Variants in GREB1L observed in about 807,000 individuals in gnomAD.
GREB1L encodes the protein GREB1-like protein.
Under a neutral mutation model 200.8 loss-of-function variants are expected in GREB1L, and 17 were observed. The ratio of observed to expected loss-of-function variants is 0.08; its 90% CI spans 0.06 to 0.13. The LOEUF (loss-of-function observed/expected upper bound fraction) is 0.13, where lower values mean the gene tolerates loss of function less well. Ranked by LOEUF, GREB1L falls within the 10% of genes least tolerant of loss-of-function variation. The pLI, the probability that GREB1L is intolerant of heterozygous loss-of-function variation, is 1.00. For synonymous variants in GREB1L, 789 were observed against 893.0 expected (o/e 0.88, Z 2.08); for missense variants, 1,657 against 2,367.7 (o/e 0.70, Z 6.23).
chr18:21,268,558 CA>C, intron 1 of GREB1L, among the ~76,000 whole-genome samples: 1 of 86,696 alleles, frequency 1.2e-5, no homozygotes. Flanking sequence ...CACACACACA[CA>C]CATATATATA....
intron 7 of GREB1L, among the ~76,000 whole-genome samples, chr18:21,414,955 T>C (rs1451985952): frequency 6.6e-6 from 1 of 152,196 alleles, no homozygotes; most frequent in East Asian, 1.9e-4. Context: ...GTGAGTCTTA[T>C]GATTGCCCAA....
chr18:21,394,770 A>G (rs1191311748), intron 4 of GREB1L, among the ~76,000 whole-genome samples: 1 of 151,924 alleles, frequency 6.6e-6, no homozygotes, highest in Non-Finnish European at 1.5e-5. Context: ...ATGCACATAA[A>G]AACTACGTGG....
chr18:21,412,909 G>A (rs2031222671), intron 7 of GREB1L, among the ~76,000 whole-genome samples: 1 of 151,974 alleles, frequency 6.6e-6, no homozygotes. Context: ...ATAGCAAGTA[G>A]TATCATAGGC....
At position 21,517,888 on chromosome 18, in the gene GREB1L, C is replaced by T. The variant is rs2037475188; in HGVS notation, c.5272-146C>T. The T allele has an allele frequency of 4.7e-6, 3 of 639,862 alleles. No individual in the cohort carries two copies. The African/African-American group carries it at 5.5e-5, about 12-fold the overall frequency. 39.6% of individuals were successfully genotyped at this position (639,862 alleles called of 1,614,324 possible). ...CCCAAGAGAAAAAAATTTTCAGGAC[C>T]CTTTACTAACATACATTTGAACCTA... On this transcript the variant is annotated intron_variant, in intron 30 of 32. Coordinates refer to ENST00000424526, the MANE Select transcript of GREB1L (RefSeq NM_001142966.3).
intron 7 of GREB1L, 64 bp from the exon 8 acceptor site, chr18:21,439,457 C>A: frequency 1.1e-6 from 1 of 932,148 alleles, no homozygotes; most frequent in African/African-American, 1.6e-5. Context: ...ATGGTTCCAG[C>A]ATCCCAGAAA....
At position 21,496,662 on chromosome 18, in the gene GREB1L, C is replaced by G; in HGVS notation, c.3355C>G (p.Pro1119Ala). 1 of 1,551,586 alleles carries G rather than the reference C, an allele frequency of 6.4e-7. No homozygotes were observed. The highest frequency in any genetic ancestry group is 2.4e-5 in the East Asian group (1 of 40,926). ...TGAGCTGCTCATCGACCTGGAGCGG[C>G]CCCAGAGCAACAGCAGCGCTGTCAC... is the stretch of plus-strand genomic sequence containing the variant. The part of the protein sequence containing the change: ...SDELLIDLER[P>A]QSNSSAVTGT... Residue 1119 changes from proline to alanine, a missense_variant, in exon 21 of 33, where the codon CCC becomes GCC. Pro to Ala is a conservative substitution (Grantham distance 27). Transcript: ENST00000424526.
intron 1 of GREB1L, among the ~76,000 whole-genome samples, chr18:21,302,919 C>T (rs754521984): frequency 6.6e-6 from 1 of 152,116 alleles, no homozygotes; most frequent in African/African-American, 2.4e-5. Flanking sequence ...GACGGGGTTT[C>T]ACCATGTTAG....
intron 1 of GREB1L, among the ~76,000 whole-genome samples, chr18:21,297,805 C>CT (rs1461306983): frequency 6.6e-6 from 1 of 152,040 alleles, no homozygotes; most frequent in East Asian, 1.9e-4. Flanking sequence ...GGCATTATCT[C>CT]TAAGGGTAGG....
chr18:21,372,396 T>A (rs2039909578), intron 2 of GREB1L, among the ~76,000 whole-genome samples: 1 of 151,980 alleles, frequency 6.6e-6, no homozygotes, highest in South Asian at 2.1e-4. Flanking sequence ...TCCACCTGCC[T>A]CAGCCTCCCA....
At chr18:21,496,334 C>T (rs2036543286) in intron 20 of GREB1L, 120 bp from the exon 21 acceptor site, 4 of 1,079,082 alleles carry the variant, frequency 3.7e-6, no homozygotes, top group Non-Finnish European at 2.7e-6. Flanking sequence ...AGTCAAGGCT[C>T]ACCTGGCACT....
intron 11 of GREB1L, among the ~76,000 whole-genome samples, chr18:21,446,143 G>A (rs1227224462): frequency 6.6e-6 from 1 of 152,132 alleles, no homozygotes; most frequent in Non-Finnish European, 1.5e-5. Flanking sequence ...TCATGTCTCA[G>A]CCTCCCGAGT....
chr18:21,341,031 A>G (rs940529666), intron 1 of GREB1L, among the ~76,000 whole-genome samples: 2 of 152,216 alleles, frequency 1.3e-5, no homozygotes, highest in African/African-American at 4.8e-5. Flanking sequence ...TCCATTTTAC[A>G]GATAACTAGC....
At chr18:21,322,815 A>G (rs781663124) in intron 1 of GREB1L, among the ~76,000 whole-genome samples, 135 of 152,318 alleles carry the variant, frequency 8.9e-4, no homozygotes, top group Non-Finnish European at 1.5e-3. Flanking sequence ...ATTGGATGCA[A>G]TCTGGAAAAA....
intron 1 of GREB1L, among the ~76,000 whole-genome samples, chr18:21,346,771 G>T (rs1000806450): frequency 6.6e-6 from 1 of 152,078 alleles, no homozygotes; most frequent in Non-Finnish European, 1.5e-5. Flanking sequence ...AGGGAGCCTC[G>T]GTCCTGTCTC....
chr18:21,462,506 G>A (rs1470135017), intron 15 of GREB1L, among the ~76,000 whole-genome samples: 1 of 152,218 alleles, frequency 6.6e-6, no homozygotes, highest in Non-Finnish European at 1.5e-5. Flanking sequence ...CTGGAGTGCA[G>A]TGGCACGATC....
chr18:21,335,688 G>A (rs1260725382), intron 1 of GREB1L, among the ~76,000 whole-genome samples: 1 of 148,186 alleles, frequency 6.7e-6, no homozygotes, highest in Non-Finnish European at 1.5e-5. Flanking sequence ...TTTCGAGACA[G>A]AGTCTTGCTC....
chr18:21,519,336 G>A (rs972511436), intron 31 of GREB1L, among the ~76,000 whole-genome samples: 2 of 151,984 alleles, frequency 1.3e-5, no homozygotes, highest in Non-Finnish European at 2.9e-5. Flanking sequence ...GATGGCGCAC[G>A]CCTGTAGTCC....
Position 21,300,249 on chromosome 18 carries a change from A to G in GREB1L, c.-120+57856A>G, listed in dbSNP as rs1380979857. ...GTACTTAGCCATTTTGGTTCATGATAAATGGCTGACTTCAAGTGACATTCC... is the reference window on the plus strand; with the variant it reads ...GTACTTAGCCATTTTGGTTCATGATGAATGGCTGACTTCAAGTGACATTCC... On this transcript the variant is annotated intron_variant, in intron 1 of 32. Transcript: ENST00000424526. Among the ~76,000 whole-genome samples the G allele has an allele frequency of 4.6e-5, 7 of 152,202 alleles. No homozygotes were observed. In the East Asian group the frequency reaches 9.6e-4, roughly 21 times the overall value.
chr18:21,501,275 G>A (rs1295327127), intron 23 of GREB1L, among the ~76,000 whole-genome samples: 1 of 151,132 alleles, frequency 6.6e-6, no homozygotes, highest in Non-Finnish European at 1.5e-5. Flanking sequence ...TTAAGTTCTG[G>A]GATACATGTG....
Sources: gnomAD v4.1 joint callset for allele counts (sites outside exome capture counted in the v4.1 genomes callset) on GRCh38, gnomAD v4.1.1 for gene constraint, MANE v1.5 for transcripts, NCBI Gene and HGNC (gene_info 2026-07-23, HGNC 2026-07-21) for gene names.